The following TUBB6 variants were observed in gnomAD, a reference collection of about 807,000 sequenced individuals.
TUBB6 encodes tubulin beta-6 chain.
A neutral mutation model predicts 32.3 loss-of-function variants in TUBB6; 18 were observed. The observed-to-expected ratio is 0.56, with a 90% confidence interval of 0.39 to 0.83. The LOEUF (loss-of-function observed/expected upper bound fraction) is 0.83. Ranked by LOEUF, TUBB6 falls within the 40% of genes least tolerant of loss-of-function variation. TUBB6 has a pLI of 0.00. For synonymous variants in TUBB6, 280 were observed against 265.8 expected (o/e 1.05, Z -0.52); for missense variants, 480 against 632.0 (o/e 0.76, Z 2.58).
upstream of TUBB6, chr18:12,308,176 G>A (rs924576902): frequency 1.3e-4 from 82 of 637,490 alleles, no homozygotes; most frequent in Non-Finnish European, 1.6e-4. Context: ...CGCAGCCATT[G>A]GCGAGCGGCG....
chr18:12,311,852 C>T (rs1004299238), intron 3 of TUBB6, among the ~76,000 whole-genome samples: 56 of 152,074 alleles, frequency 3.7e-4, no homozygotes, highest in African/African-American at 1.2e-3. Flanking sequence ...GTAGAACCTA[C>T]AGGATAGGTG....
intron 2 of TUBB6, among the ~76,000 whole-genome samples, chr18:12,310,064 G>T (rs74206744): frequency 0.11 from 16,418 of 152,196 alleles, 1,018 homozygotes; most frequent in East Asian, 0.22. Context: ...GGAAAATACA[G>T]TAGGCAGGAA....
Position 12,326,072 on chromosome 18 carries a change from C to T in TUBB6, c.1283C>T (p.Ala428Val), listed in dbSNP as rs1410802691. The T allele has an allele frequency of 1.2e-6, 2 of 1,614,120 alleles. No homozygotes were observed. Among genetic ancestry groups the T allele is most frequent in the African/African-American group, 1.3e-5 (1 of 75,038 alleles). The change falls in exon 4 of 4, where the codon GCC becomes GTC. Residue 428 changes from alanine to valine, a missense_variant. Ala to Val is a moderately conservative substitution (Grantham distance 64, BLOSUM62 0). Transcript: ENST00000317702. Reference protein sequence around the residue: ...LVSEYQQYQDATANDGEEAFE... With the variant: ...LVSEYQQYQDVTANDGEEAFE... ...TCCGAGTACCAGCAGTACCAGGATGCCACCGCCAATGACGGGGAGGAAGCT... is the reference window on the plus strand; with the variant it reads ...TCCGAGTACCAGCAGTACCAGGATGTCACCGCCAATGACGGGGAGGAAGCT...
At chr18:12,310,184 C>A (rs1253212072) in intron 2 of TUBB6, among the ~76,000 whole-genome samples, 1 of 151,648 alleles carries the variant, frequency 6.6e-6, no homozygotes, top group Non-Finnish European at 1.5e-5. Context: ...TTTTTTCTTT[C>A]TTTTTTTTAA....
chr18:12,324,715 T>G (rs928596347), intron 3 of TUBB6: 9 of 1,164,528 alleles, frequency 7.7e-6, no homozygotes, highest in Non-Finnish European at 9.8e-6. Context: ...CCTCCCAAAG[T>G]GCTGGGATTA....
At chr18:12,320,109 TC>T (rs1906907884) in intron 3 of TUBB6, among the ~76,000 whole-genome samples, 1 of 151,566 alleles carries the variant, frequency 6.6e-6, no homozygotes, top group Non-Finnish European at 1.5e-5. Flanking sequence ...TTTTTAATTG[TC>T]CCAGCTACTC....
At chr18:12,322,624 G>T (rs930233681) in intron 3 of TUBB6, among the ~76,000 whole-genome samples, 13 of 152,142 alleles carry the variant, frequency 8.5e-5, no homozygotes, top group African/African-American at 1.2e-4. Context: ...TAACTCTGAA[G>T]ACAATCAAAG....
Position 12,326,136 on chromosome 18 carries a change from A to G in TUBB6, c.*6A>G. The G allele has an allele frequency of 6.2e-7, 1 of 1,606,112 alleles. No homozygotes were observed. Among genetic ancestry groups the G allele is most frequent in the African/African-American group, 1.3e-5 (1 of 74,978 alleles). Reference sequence around the variant, plus strand: ...AAGAGGAGATCGATGGATAGTCGGAATAGAGCCGCCCCAACTCAGATCCTA... The same window carrying G: ...AAGAGGAGATCGATGGATAGTCGGAGTAGAGCCGCCCCAACTCAGATCCTA... On this transcript the variant is annotated 3_prime_UTR_variant, in exon 4 of 4. Coordinates refer to ENST00000317702, the MANE Select transcript of TUBB6 (RefSeq NM_032525.3).
At chr18:12,327,738 T>C (rs1295024316), downstream of TUBB6, among the ~76,000 whole-genome samples, 13 of 152,086 alleles carry the variant, frequency 8.5e-5, no homozygotes, top group Admixed American at 8.5e-4. Context: ...GAGCTTAAGG[T>C]TGCTCACCTC....
chr18:12,312,709 A>C (rs1437942385), intron 3 of TUBB6, among the ~76,000 whole-genome samples: 1 of 152,132 alleles, frequency 6.6e-6, no homozygotes, highest in African/African-American at 2.4e-5. Context: ...AAAAGATTAA[A>C]GTTTTGGAAG....
chr18:12,325,213 G>A lies in TUBB6; in HGVS notation c.424G>A (p.Gly142Ser), dbSNP rs1203603804. 6.2e-7 allele frequency: 1 copy of A among 1,614,016 alleles called. No individual in the cohort carries two copies. Among genetic ancestry groups the A allele is most frequent in the South Asian group, 1.1e-5 (1 of 91,084 alleles). The change falls in exon 4 of 4, where the codon GGC becomes AGC. Residue 142 changes from glycine to serine, a missense_variant. Transcript: ENST00000317702. ...GFQLTHSLGG[G>S]TGSGMGTLLI... ...CCAGCTCACGCACTCGCTGGGCGGC[G>A]GCACGGGCTCAGGCATGGGCACGCT...
At chr18:12,329,450 G>A, downstream of TUBB6, 2 of 1,096,392 alleles carry the variant, frequency 1.8e-6, no homozygotes, top group East Asian at 2.4e-5. Context: ...ATTTCAGCTG[G>A]GCCAGTGGCT....
chr18:12,327,178 C>G (rs939032995), downstream of TUBB6, among the ~76,000 whole-genome samples: 2 of 152,188 alleles, frequency 1.3e-5, no homozygotes, highest in Non-Finnish European at 2.9e-5. Context: ...GTGTGTCACC[C>G]CCGAGTGGAA....
intron 3 of TUBB6, 141 bp from the exon 4 acceptor site, chr18:12,324,926 G>T (rs1300733077): frequency 6.7e-7 from 1 of 1,490,812 alleles, no homozygotes; most frequent in Non-Finnish European, 8.9e-7. Context: ...CTGCACCGTT[G>T]GTGGGTGCCT....
At chr18:12,328,750 C>T (rs9635828), downstream of TUBB6, among the ~76,000 whole-genome samples, 15,141 of 152,226 alleles carry the variant, frequency 0.099, 917 homozygotes, top group East Asian at 0.21. Context: ...CCCTCAGGAC[C>T]CATGTACTTT....
At chr18:12,317,325 G>T (rs1906729218) in intron 3 of TUBB6, among the ~76,000 whole-genome samples, 1 of 152,100 alleles carries the variant, frequency 6.6e-6, no homozygotes, top group Admixed American at 6.6e-5. Flanking sequence ...AGCTAGGCGT[G>T]GTGGTGTGCA....
intron 3 of TUBB6, among the ~76,000 whole-genome samples, chr18:12,315,505 G>A (rs899371750): frequency 2.6e-5 from 4 of 152,224 alleles, no homozygotes; most frequent in African/African-American, 4.8e-5. Flanking sequence ...TCAAAGAAAC[G>A]TAGCAACTGA....
chr18:12,325,491 T>C lies in TUBB6; in HGVS notation c.702T>C (p.Ser234=), dbSNP rs1160230886. Residue 234 remains serine, a synonymous_variant, in exon 4 of 4, where the codon AGT becomes AGC. Transcript: ENST00000317702. ...DLNHLVSATM[S]GVTTSLRFPG... ...ACCACCTGGTGTCCGCCACCATGAGTGGGGTCACCACCTCGCTGCGCTTCC... is the reference window on the plus strand; with the variant it reads ...ACCACCTGGTGTCCGCCACCATGAGCGGGGTCACCACCTCGCTGCGCTTCC... The C allele has an allele frequency of 6.2e-7, 1 of 1,614,022 alleles. No individual in the cohort carries two copies. Among genetic ancestry groups the C allele is most frequent in the African/African-American group, 1.3e-5 (1 of 74,924 alleles).
intron 3 of TUBB6, among the ~76,000 whole-genome samples, chr18:12,318,626 TCTCAGTGGGA>T (rs1301406626): frequency 6.6e-6 from 1 of 152,056 alleles, no homozygotes; most frequent in Non-Finnish European, 1.5e-5. Context: ...TGAGCTGATT[TCTCAGTGGGA>T]CTGAGACGGA....
Sources: allele counts gnomAD v4.1 joint callset (sites outside exome capture counted in the v4.1 genomes callset), GRCh38; gene constraint gnomAD v4.1.1; transcripts MANE v1.5; gene names NCBI Gene and HGNC (gene_info 2026-07-23, HGNC 2026-07-21).